WASF1: variants seen among roughly 807,000 people sequenced by gnomAD.
The protein encoded by WASF1 is WASP family member 1.
A neutral mutation model predicts 50.5 loss-of-function variants in WASF1; 7 were observed. The observed-to-expected ratio is 0.14, with a 90% CI of 0.08 to 0.26. The LOEUF (loss-of-function observed/expected upper bound fraction) is 0.26, where lower values mean the gene tolerates loss of function less well. Among genes scored for constraint, WASF1 ranks in the 10% least tolerant of loss-of-function variants. The probability of loss-of-function intolerance (pLI) is 1.00; values close to 1 mark genes in which losing one functional copy is unlikely to be tolerated. For synonymous variants in WASF1, 205 were observed against 244.0 expected (o/e 0.84, Z 1.49); for missense variants, 470 against 694.7 (o/e 0.68, Z 3.64).
At chr6:110,107,224 C>G in intron 6 of WASF1, 30 bp from the exon 7 acceptor site, 1 of 1,406,288 alleles carries the variant, frequency 7.1e-7, no homozygotes, top group Non-Finnish European at 9.8e-7. Flanking sequence ...TTAAAACACA[C>G]ATTAGTAAGA....
intron 4 of WASF1, among the ~76,000 whole-genome samples, chr6:110,125,949 A>G (rs534050506): frequency 6.6e-6 from 1 of 152,330 alleles, no homozygotes; most frequent in African/African-American, 2.4e-5. Flanking sequence ...TTAGTACTGC[A>G]AATTATCACC....
At chr6:110,164,064 G>A (rs1360609791) in intron 2 of WASF1, among the ~76,000 whole-genome samples, 1 of 151,576 alleles carries the variant, frequency 6.6e-6, no homozygotes, top group African/African-American at 2.4e-5. Context: ...ACTCAGAATT[G>A]ATTATAAATC....
At chr6:110,134,351 G>A (rs1469723503) in intron 3 of WASF1, among the ~76,000 whole-genome samples, 2 of 151,736 alleles carry the variant, frequency 1.3e-5, no homozygotes, top group African/African-American at 4.8e-5. Context: ...TTGTTTTGTT[G>A]AACATCAATT....
At chr6:110,107,277 C>T (rs559979741) in intron 6 of WASF1, 83 bp from the exon 7 acceptor site, 2 of 875,026 alleles carry the variant, frequency 2.3e-6, no homozygotes, top group Non-Finnish European at 3.5e-6. Flanking sequence ...AAATGTTTAT[C>T]CTCTTACATT....
intron 3 of WASF1, among the ~76,000 whole-genome samples, chr6:110,149,339 T>C (rs537825570): frequency 6.6e-6 from 1 of 152,106 alleles, no homozygotes; most frequent in South Asian, 2.1e-4. Flanking sequence ...CTCTATGCCC[T>C]GTAACTTCAG....
chr6:110,128,891 G>A (rs1003253309), intron 3 of WASF1, among the ~76,000 whole-genome samples: 1 of 152,176 alleles, frequency 6.6e-6, no homozygotes, highest in Non-Finnish European at 1.5e-5. Flanking sequence ...AACTGCACAC[G>A]TGAGGGGTCT....
intron 4 of WASF1, among the ~76,000 whole-genome samples, chr6:110,116,888 C>G (rs974880831): frequency 6.6e-6 from 1 of 152,066 alleles, no homozygotes; most frequent in African/African-American, 2.4e-5. Context: ...CCCAGGCAAA[C>G]AGGGTCTGGA....
chr6:110,161,321 AGGAG>A lies in WASF1; in HGVS notation c.-126-593_-126-590del, dbSNP rs1469299661. ...TATTTAGAAGAAAACATATGTTCTT[AGGAG>A]GGAGGAACTAACTAGTCTAAAGTTT... On this transcript the variant is annotated intron_variant, in intron 2 of 10. Coordinates refer to ENST00000392589, the MANE Select transcript of WASF1 (RefSeq NM_003931.3). Among the ~76,000 whole-genome samples, 9 of 151,722 alleles carry A rather than the reference AGGAG, an allele frequency of 5.9e-5. No individual in the cohort carries two copies. In the East Asian group the frequency reaches 1.7e-3, roughly 29 times the overall value.
At chr6:110,152,176 T>C (rs997039867) in intron 3 of WASF1, among the ~76,000 whole-genome samples, 11 of 152,092 alleles carry the variant, frequency 7.2e-5, no homozygotes, top group African/African-American at 2.7e-4. Flanking sequence ...CCTTTGAAAG[T>C]AGAGCTTTCT....
rs148679788 is a variant in WASF1, at chr6:110,147,511, CAG to C, written c.-29+13122_-29+13123del. On this transcript the variant is annotated intron_variant, in intron 3 of 10. Coordinates refer to ENST00000392589, the MANE Select transcript of WASF1 (RefSeq NM_003931.3). ...CAATTCATAACACTGACATTTCTGACAGAGTCAAGAAAACTGTATGCTAATGA... is the reference window on the plus strand; with the variant it reads ...CAATTCATAACACTGACATTTCTGACAGTCAAGAAAACTGTATGCTAATGA... Among the ~76,000 whole-genome samples the C allele has an allele frequency of 5.1e-3, 772 of 152,180 alleles. 6 individuals carry two copies. The highest frequency in any genetic ancestry group is 0.018 in the African/African-American group (741 of 41,516).
At chr6:110,134,986 A>C (rs1774880341) in intron 3 of WASF1, among the ~76,000 whole-genome samples, 1 of 151,786 alleles carries the variant, frequency 6.6e-6, no homozygotes, top group Non-Finnish European at 1.5e-5. Context: ...TACTGATTCT[A>C]CCCACCCATG....
At position 110,104,436 on chromosome 6, in the gene WASF1, C is replaced by T. The variant is rs569768057; in HGVS notation, c.714-879G>A. On this transcript the variant is annotated intron_variant, in intron 8 of 10. Coordinates refer to ENST00000392589, the MANE Select transcript of WASF1 (RefSeq NM_003931.3). ...AGGTCAAGATGTTGCACACTTATGGCCCAATCATTTATATGTATATTACTT... is the reference window on the plus strand; with the variant it reads ...AGGTCAAGATGTTGCACACTTATGGTCCAATCATTTATATGTATATTACTT... Among the ~76,000 whole-genome samples the T allele has an allele frequency of 2.0e-5, 3 of 152,148 alleles. No individual in the cohort carries two copies. In the South Asian group the frequency reaches 6.2e-4, roughly 32 times the overall value.
chr6:110,118,087 G>A (rs975098517), intron 4 of WASF1, among the ~76,000 whole-genome samples: 1 of 151,924 alleles, frequency 6.6e-6, no homozygotes, highest in African/African-American at 2.4e-5. Flanking sequence ...ATCGATGCTA[G>A]GAAGAAACTG....
At chr6:110,135,851 T>C (rs369352054) in intron 3 of WASF1, among the ~76,000 whole-genome samples, 1 of 145,852 alleles carries the variant, frequency 6.9e-6, no homozygotes, top group East Asian at 2.1e-4. Flanking sequence ...TGCATTTACA[T>C]CCATGAGAGA....
chr6:110,111,071 A>G (rs1430398533), intron 5 of WASF1, among the ~76,000 whole-genome samples: 1 of 152,174 alleles, frequency 6.6e-6, no homozygotes, highest in Non-Finnish European at 1.5e-5. Context: ...TTCACTTTCA[A>G]GTTTAATGGT....
At chr6:110,130,250 T>C (rs1472335425) in intron 3 of WASF1, among the ~76,000 whole-genome samples, 1 of 152,202 alleles carries the variant, frequency 6.6e-6, no homozygotes. Flanking sequence ...CTCAAAAATT[T>C]AACCAAACTC....
chr6:110,145,250 GCTCT>G (rs957117470), intron 3 of WASF1, among the ~76,000 whole-genome samples: 256 of 152,130 alleles, frequency 1.7e-3, no homozygotes, highest in African/African-American at 6.0e-3. Context: ...TCATGATTTG[GCTCT>G]CTGTTTGTCT....
intron 3 of WASF1, among the ~76,000 whole-genome samples, chr6:110,153,348 G>C (rs2114585602): frequency 6.6e-6 from 1 of 152,234 alleles, no homozygotes; most frequent in African/African-American, 2.4e-5. Context: ...TCTGGTTTCT[G>C]TTCCAGTTTG....
At chr6:110,139,483 T>A (rs911415251) in intron 3 of WASF1, among the ~76,000 whole-genome samples, 1 of 152,234 alleles carries the variant, frequency 6.6e-6, no homozygotes, top group Non-Finnish European at 1.5e-5. Flanking sequence ...AACTTTTAAC[T>A]TCAGAGCACT....
Sources: gnomAD v4.1 joint callset for allele counts (sites outside exome capture counted in the v4.1 genomes callset) on GRCh38, gnomAD v4.1.1 for gene constraint, MANE v1.5 for transcripts, NCBI Gene and HGNC (gene_info 2026-07-23, HGNC 2026-07-21) for gene names.